The following NFATC1 variants were observed in gnomAD, a reference collection of about 807,000 sequenced individuals.
NFATC1 encodes the protein nuclear factor of activated T-cells, cytoplasmic 1.
NFATC1 carries 22 observed loss-of-function variants against 76.0 expected under a neutral mutation model. That is an observed-to-expected ratio of 0.29 (90% confidence interval 0.21 to 0.41). NFATC1 has a LOEUF of 0.41. Ranked by LOEUF, NFATC1 falls within the 10% of genes least tolerant of loss-of-function variation. NFATC1 has a pLI of 1.00. For synonymous variants in NFATC1, 704 were observed against 613.1 expected (o/e 1.15, Z -2.19); for missense variants, 1,357 against 1,337.7 (o/e 1.01, Z -0.23).
chr18:79,445,979 G>A (rs904795416), intron 3 of NFATC1, among the ~76,000 whole-genome samples: 1 of 152,224 alleles, frequency 6.6e-6, no homozygotes, highest in African/African-American at 2.4e-5. Context: ...ATTGTAACGT[G>A]TAGGAGACTC....
chr18:79,444,546 C>A (rs1179015931), intron 3 of NFATC1, among the ~76,000 whole-genome samples: 2 of 152,110 alleles, frequency 1.3e-5, no homozygotes, highest in Non-Finnish European at 2.9e-5. Context: ...TCTGAAGGGG[C>A]CAGGGCAGGG....
At chr18:79,483,977 GGT>G (rs2089420251) in intron 8 of NFATC1, among the ~76,000 whole-genome samples, 1 of 150,444 alleles carries the variant, frequency 6.6e-6, no homozygotes, top group Non-Finnish European at 1.5e-5. Flanking sequence ...CTGGTCCTGA[GGT>G]GTCACTCCAG....
Position 79,396,171 on chromosome 18 carries a change from G to C in NFATC1, c.-54G>C, listed in dbSNP as rs74183647. Reference sequence around the variant, plus strand: ...GACCCGACCCCGGCAGCGCGGGGCGGCCGCTTCTCCTGTGCCTCCGCCCGC... The same window carrying C: ...GACCCGACCCCGGCAGCGCGGGGCGCCCGCTTCTCCTGTGCCTCCGCCCGC... On this transcript the variant is annotated 5_prime_UTR_variant, in exon 1 of 10. Transcript: ENST00000427363. The C allele has an allele frequency of 0.11, 150,885 of 1,397,560 alleles. 12,084 individuals are homozygous for C. Among genetic ancestry groups the C allele is most frequent in the East Asian group, 0.45 (13,187 of 29,228 alleles). 86.6% of individuals were successfully genotyped at this position (1,397,560 alleles called of 1,614,324 possible).
chr18:79,513,920 C>A (rs868782008), intron 9 of NFATC1, among the ~76,000 whole-genome samples: 28 of 152,352 alleles, frequency 1.8e-4, no homozygotes, highest in Admixed American at 1.0e-3. Flanking sequence ...TGTGTGCTAG[C>A]CTCTGTCCCT....
In NFATC1 at chr18:79,450,937, G is replaced by A; in HGVS notation, c.1590-17G>A. ...TCAGCCATTGAAAGAAAAGCTGTGG[G>A]CTTTTGTTTTGGGCAGCATTGACTG... is the stretch of plus-strand genomic sequence containing the variant. On this transcript the variant is annotated splice_polypyrimidine_tract_variant and intron_variant, in intron 4 of 9. Transcript: ENST00000427363. 4 of 1,606,068 alleles carry A rather than the reference G, an allele frequency of 2.5e-6. No individual in the cohort carries two copies. The highest frequency in any genetic ancestry group is 3.4e-6 in the Non-Finnish European group (4 of 1,174,244).
At chr18:79,450,018 G>A (rs112055259) in intron 4 of NFATC1, among the ~76,000 whole-genome samples, 1 of 152,176 alleles carries the variant, frequency 6.6e-6, no homozygotes, top group African/African-American at 2.4e-5. Context: ...CAAGTTTCCC[G>A]CAGACAGGGC....
intron 2 of NFATC1, among the ~76,000 whole-genome samples, chr18:79,427,663 CTGTG>C (rs150738945): frequency 1.4e-5 from 1 of 73,686 alleles, no homozygotes; most frequent in African/African-American, 6.8e-5. Flanking sequence ...CGGCTGGCCT[CTGTG>C]TGGTGTGGGG....
At chr18:79,411,618 G>T in intron 2 of NFATC1, 117 bp downstream of exon 2, 1 of 842,054 alleles carries the variant, frequency 1.2e-6, no homozygotes, top group South Asian at 5.3e-5. Context: ...CGAGAGTCAG[G>T]ACCTGGGTGG....
intron 9 of NFATC1, among the ~76,000 whole-genome samples, chr18:79,492,581 C>T (rs375257875): frequency 2.0e-5 from 3 of 152,014 alleles, no homozygotes; most frequent in East Asian, 1.9e-4. Context: ...TGGTGGCGGG[C>T]GCCTGTAGTC....
chr18:79,492,748 C>G (rs1299740412), intron 9 of NFATC1, among the ~76,000 whole-genome samples: 1 of 145,842 alleles, frequency 6.9e-6, no homozygotes, highest in Non-Finnish European at 1.5e-5. Flanking sequence ...GTGGTGCATG[C>G]CTATAATCCC....
At chr18:79,505,841 G>A (rs1177757465) in intron 9 of NFATC1, among the ~76,000 whole-genome samples, 6 of 143,924 alleles carry the variant, frequency 4.2e-5, no homozygotes, top group East Asian at 2.1e-4. Context: ...GAGGGAAGAG[G>A]CAGGAGACTG....
At chr18:79,520,463 AC>A (rs2090491893) in intron 9 of NFATC1, among the ~76,000 whole-genome samples, 1 of 151,600 alleles carries the variant, frequency 6.6e-6, no homozygotes, top group Non-Finnish European at 1.5e-5. Flanking sequence ...AGTTTAAGGC[AC>A]ATTTAAGCTA....
chr18:79,515,490 G>T (rs2090358296), intron 9 of NFATC1, among the ~76,000 whole-genome samples: 1 of 151,890 alleles, frequency 6.6e-6, no homozygotes, highest in African/African-American at 2.4e-5. Context: ...CTCGGAGGGG[G>T]CTCGGCTCAC....
At chr18:79,425,926 T>G (rs1333390387) in intron 2 of NFATC1, among the ~76,000 whole-genome samples, 1 of 152,118 alleles carries the variant, frequency 6.6e-6, no homozygotes, top group Non-Finnish European at 1.5e-5. Context: ...GATAAATGAG[T>G]CCTGCACCAG....
At chr18:79,467,865 A>T in intron 8 of NFATC1, 1 of 1,190,326 alleles carries the variant, frequency 8.4e-7, no homozygotes, top group Non-Finnish European at 1.0e-6. Context: ...CCAAGGGGAA[A>T]ACATGGCTCT....
intron 2 of NFATC1, among the ~76,000 whole-genome samples, chr18:79,415,383 C>T (rs2085842751): frequency 6.6e-6 from 1 of 152,088 alleles, no homozygotes; most frequent in South Asian, 2.1e-4. Flanking sequence ...CCTGGGTTCA[C>T]GCCATTCTCC....
chr18:79,450,304 G>T lies in NFATC1; in HGVS notation c.1590-650G>T, dbSNP rs142017583. On this transcript the variant is annotated intron_variant, in intron 4 of 9. Transcript: ENST00000427363. ...TAGTTTTGAATGAAATTGTTAAGAG[G>T]TTATATGAAACCATAGAAAAAATGG... 1.6e-4 allele frequency among the ~76,000 whole-genome samples: 24 copies of T among 152,050 alleles called. 1 individual carries two copies. The East Asian group carries it at 4.6e-3, about 29-fold the overall frequency.
chr18:79,505,816 T>C, intron 9 of NFATC1, among the ~76,000 whole-genome samples: 1 of 121,538 alleles, frequency 8.2e-6, no homozygotes, highest in South Asian at 2.8e-4. Context: ...GAGGTGGTGC[T>C]GGAGGCCCTT....
intron 8 of NFATC1, among the ~76,000 whole-genome samples, chr18:79,474,148 C>A (rs2088923335): frequency 1.6e-5 from 2 of 121,702 alleles, no homozygotes; most frequent in Non-Finnish European, 1.6e-5. Context: ...ACGTTGTAAA[C>A]CTGAGGGAAG....
Sources: gnomAD v4.1 joint callset for allele counts (sites outside exome capture counted in the v4.1 genomes callset) on GRCh38, gnomAD v4.1.1 for gene constraint, MANE v1.5 for transcripts, NCBI Gene and HGNC (gene_info 2026-07-23, HGNC 2026-07-21) for gene names.